ATP9B: variants seen among roughly 807,000 people sequenced by gnomAD.
ATP9B encodes the protein ATPase phospholipid transporting 9B.
Under a neutral mutation model 146.1 loss-of-function variants are expected in ATP9B, and 110 were observed. The ratio of observed to expected loss-of-function variants is 0.75; its 90% CI spans 0.65 to 0.88. The LOEUF is 0.88. Ranked by LOEUF, ATP9B falls within the 40% of genes least tolerant of loss-of-function variation. The pLI is 0.00. For synonymous variants in ATP9B, 604 were observed against 569.7 expected, an observed-to-expected ratio of 1.06 and a Z score of -0.86; for missense variants, 1,499 against 1,496.4, an observed-to-expected ratio of 1.00 and a Z score of -0.03.
chr18:79,376,250 C>G (rs1448672123), intron 29 of ATP9B: 1 of 982,742 alleles, frequency 1.0e-6, no homozygotes, highest in African/African-American at 1.8e-5. Context: ...CTAGATCGTC[C>G]AAACAAATCC....
chr18:79,347,683 A>G, intron 23 of ATP9B, 87 bp from the exon 24 acceptor site: 1 of 1,425,096 alleles, frequency 7.0e-7, no homozygotes, highest in Non-Finnish European at 9.3e-7. Flanking sequence ...TCTTTGTAAC[A>G]TTTAGGCTGA....
rs557060542 is a variant in ATP9B at position 79,154,372 on chromosome 18, TGTTA to T, written c.727-127_727-124del. ...ATATCAATTTTTTATATACAAATTGTGTTAGTTATTTCAGCACAATTTTAATTAT... is the reference window on the plus strand; with the variant it reads ...ATATCAATTTTTTATATACAAATTGTGTTATTTCAGCACAATTTTAATTAT... On this transcript the variant is annotated intron_variant, in intron 6 of 29. Coordinates refer to ENST00000426216, the MANE Select transcript of ATP9B (RefSeq NM_198531.5). 679 of 634,962 alleles carry T rather than the reference TGTTA, an allele frequency of 1.1e-3. 1 individual carries two copies. The highest frequency in any genetic ancestry group is 1.5e-3 in the Non-Finnish European group (555 of 371,824). The allele number at this position is 634,962 out of a possible 1,614,324, so 39.3% of individuals were successfully genotyped here.
chr18:79,163,867 T>TACACAC lies in ATP9B; in HGVS notation c.778+9313_778+9314insCACACA, dbSNP rs1491204627. Among the ~76,000 whole-genome samples the TACACAC allele has an allele frequency of 5.4e-4, 42 of 77,780 alleles. 1 individual carries two copies. In the South Asian group the frequency reaches 0.012, roughly 22 times the overall value. The allele number at this position is 77,780 out of a possible 152,430, so 51.0% of individuals were successfully genotyped here. A position where few individuals can be genotyped will look rare whatever the true frequency, so the allele number is the denominator to read the frequency against. ...TATATTTTATTTTCATATTTTATTT[T>TACACAC]ATACACACACACACACACACACACA... On this transcript the variant is annotated intron_variant, in intron 7 of 29. Coordinates refer to ENST00000426216, the MANE Select transcript of ATP9B (RefSeq NM_198531.5).
At chr18:79,105,014 G>A (rs1229849068) in intron 2 of ATP9B, among the ~76,000 whole-genome samples, 2 of 152,128 alleles carry the variant, frequency 1.3e-5, no homozygotes, top group Admixed American at 1.3e-4. Context: ...GAGCCATCTT[G>A]GCAGGCTGTA....
chr18:79,348,259 AAAAAAAAAAAC>A (rs2096902541), intron 25 of ATP9B, 63 bp downstream of exon 25: 1 of 1,337,714 alleles, frequency 7.5e-7, no homozygotes, highest in African/African-American at 1.5e-5. Flanking sequence ...AAAAAAAAAA[AAAAAAAAAAAC>A]AAAAAACGTA....
chr18:79,161,370 A>G (rs945197642), intron 7 of ATP9B, among the ~76,000 whole-genome samples: 1 of 152,190 alleles, frequency 6.6e-6, no homozygotes, highest in East Asian at 1.9e-4. Context: ...TTTCCTCAGA[A>G]AAATGTATAC....
At chr18:79,079,871 C>T (rs1007556810) in intron 1 of ATP9B, among the ~76,000 whole-genome samples, 1 of 152,184 alleles carries the variant, frequency 6.6e-6, no homozygotes, top group African/African-American at 2.4e-5. Flanking sequence ...ATATGGCTAG[C>T]CAGTTTTCCC....
At chr18:79,201,023 T>C (rs973579874) in intron 9 of ATP9B, among the ~76,000 whole-genome samples, 2 of 152,188 alleles carry the variant, frequency 1.3e-5, no homozygotes, top group Non-Finnish European at 2.9e-5. Flanking sequence ...GCACAAGACG[T>C]GTGCTGATGG....
At chr18:79,249,194 G>A (rs1048239737) in intron 11 of ATP9B, among the ~76,000 whole-genome samples, 6 of 152,044 alleles carry the variant, frequency 3.9e-5, no homozygotes, top group African/African-American at 1.5e-4. Flanking sequence ...TTAAAACTTG[G>A]TACATAAATT....
chr18:79,264,306 T>A (rs945542018), intron 12 of ATP9B, among the ~76,000 whole-genome samples: 35 of 152,238 alleles, frequency 2.3e-4, no homozygotes, highest in Non-Finnish European at 5.0e-4. Flanking sequence ...ATAATGAGAC[T>A]AAACAATTAT....
intron 6 of ATP9B, chr18:79,145,552 A>T (rs1456000964): frequency 2.6e-4 from 17 of 65,220 alleles, no homozygotes; most frequent in African/African-American, 9.1e-4. Flanking sequence ...GCTGCATGTC[A>T]GGGGAGCTGC....
At chr18:79,351,989 C>T (rs546290060) in intron 25 of ATP9B, among the ~76,000 whole-genome samples, 1 of 152,210 alleles carries the variant, frequency 6.6e-6, no homozygotes, top group Non-Finnish European at 1.5e-5. Context: ...CATGGGGAAC[C>T]TCTGTAGGGT....
Position 79,110,277 on chromosome 18 carries a change from T to C in ATP9B, c.294-78T>C, listed in dbSNP as rs2075917864. 3.7e-6 allele frequency: 5 copies of C among 1,362,342 alleles called. No individual in the cohort carries two copies. In the East Asian group the frequency reaches 1.2e-4, roughly 34 times the overall value. 84.4% of individuals were successfully genotyped at this position (1,362,342 alleles called of 1,614,324 possible). A position where few individuals can be genotyped will look rare whatever the true frequency, so the allele number is the denominator to read the frequency against. On this transcript the variant is annotated intron_variant, in intron 2 of 29. Coordinates refer to ENST00000426216, the MANE Select transcript of ATP9B (RefSeq NM_198531.5). ...GAATACAGAAACAATCAATATTGAC[T>C]CTAAATATGTACAATTAGTTTGAAC...
intron 19 of ATP9B, among the ~76,000 whole-genome samples, chr18:79,339,513 G>C (rs2096846637): frequency 6.6e-6 from 1 of 151,862 alleles, no homozygotes. Flanking sequence ...GATCGTAGTA[G>C]GAAGTGTGTC....
chr18:79,116,982 A>G lies in ATP9B; in HGVS notation c.558+3628A>G, dbSNP rs138516551. Among the ~76,000 whole-genome samples, 188 of 151,684 alleles carry G rather than the reference A, an allele frequency of 1.2e-3. 1 individual carries two copies. The highest frequency in any genetic ancestry group is 4.3e-3 in the African/African-American group (178 of 41,420). ...GAAATAATGATTGATCACAAAGTCT[A>G]AAGAATGTCCATTATAAATATTTTA... On this transcript the variant is annotated intron_variant, in intron 4 of 29. Coordinates refer to ENST00000426216, the MANE Select transcript of ATP9B (RefSeq NM_198531.5).
intron 15 of ATP9B, among the ~76,000 whole-genome samples, chr18:79,327,874 A>G (rs62096812): frequency 0.26 from 3,514 of 13,756 alleles, 1,463 homozygotes; most frequent in East Asian, 0.72. Context: ...CGTGCTCTCC[A>G]TGGATAGTGT....
At chr18:79,117,934 A>C (rs981009955) in intron 4 of ATP9B, 7 of 152,220 alleles carry the variant, frequency 4.6e-5, no homozygotes, top group Admixed American at 4.6e-4. Context: ...TGTATGCTTT[A>C]ACATTTTTTA....
chr18:79,365,132 T>C (rs1313698594), intron 26 of ATP9B, among the ~76,000 whole-genome samples: 2 of 152,312 alleles, frequency 1.3e-5, no homozygotes, highest in East Asian at 3.9e-4. Context: ...AAGGAGTTGT[T>C]TCTATAGTAT....
chr18:79,332,047 G>A (rs1402359107), intron 17 of ATP9B, among the ~76,000 whole-genome samples: 1 of 152,158 alleles, frequency 6.6e-6, no homozygotes, highest in African/African-American at 2.4e-5. Context: ...CTAATAACAT[G>A]GATAAATCGA....
Sources: allele counts gnomAD v4.1 joint callset (sites outside exome capture counted in the v4.1 genomes callset), GRCh38; gene constraint gnomAD v4.1.1; transcripts MANE v1.5; gene names NCBI Gene and HGNC (gene_info 2026-07-23, HGNC 2026-07-21).